The following MAGI1 variants were observed in gnomAD, a reference collection of about 807,000 sequenced individuals.
MAGI1 encodes the protein membrane associated guanylate kinase, WW and PDZ domain containing 1.
In MAGI1, 58 loss-of-function variants were observed where a neutral mutation model predicts 139.9. The observed-to-expected ratio is 0.41, with a 90% CI of 0.34 to 0.52. The LOEUF is 0.52. MAGI1 is among the 20% of genes least tolerant of loss of function. MAGI1 has a pLI of 0.12. For missense variants in MAGI1, 1,874 were observed against 1,901.6 expected (o/e 0.99, Z 0.27); for synonymous variants, 812 against 737.9 (o/e 1.10, Z -1.63).
intron 2 of MAGI1, among the ~76,000 whole-genome samples, chr3:65,530,791 G>GTATA (rs368893697): frequency 0.011 from 648 of 60,822 alleles, 36 homozygotes; most frequent in African/African-American, 0.044. Context: ...ATATATACAC[G>GTATA]TATATATATA....
chr3:65,741,244 G>A (rs1027710077), intron 1 of MAGI1, among the ~76,000 whole-genome samples: 2 of 151,714 alleles, frequency 1.3e-5, no homozygotes, highest in South Asian at 2.1e-4. Context: ...GCGCGATCTC[G>A]GCTCACTGCA....
At chr3:65,883,391 T>TCAAGAATAAA (rs1351995042) in intron 1 of MAGI1, among the ~76,000 whole-genome samples, 3 of 152,044 alleles carry the variant, frequency 2.0e-5, no homozygotes, top group Non-Finnish European at 4.4e-5. Flanking sequence ...AACGCAACCC[T>TCAAGAATAAA]CAAGAATAAA....
At chr3:65,769,783 C>A (rs1465852794) in intron 1 of MAGI1, among the ~76,000 whole-genome samples, 1 of 152,162 alleles carries the variant, frequency 6.6e-6, no homozygotes, top group African/African-American at 2.4e-5. Context: ...GTAACAGTGC[C>A]TGTTAAAAGC....
chr3:65,907,392 A>G (rs533713470), intron 1 of MAGI1, among the ~76,000 whole-genome samples: 1 of 152,288 alleles, frequency 6.6e-6, no homozygotes, highest in Non-Finnish European at 1.5e-5. Flanking sequence ...TGACAAAACC[A>G]AGACTTAAAC....
intron 1 of MAGI1, among the ~76,000 whole-genome samples, chr3:65,636,400 C>G (rs542619169): frequency 6.6e-6 from 1 of 152,288 alleles, no homozygotes; most frequent in South Asian, 2.1e-4. Flanking sequence ...GCACACTCCA[C>G]TATTTTCATT....
chr3:65,702,960 C>A (rs982837130), intron 1 of MAGI1, among the ~76,000 whole-genome samples: 1 of 151,910 alleles, frequency 6.6e-6, no homozygotes, highest in Non-Finnish European at 1.5e-5. Flanking sequence ...GGACTACCCC[C>A]TGCTGAGAAT....
At chr3:65,640,359 T>C (rs2084918832) in intron 1 of MAGI1, among the ~76,000 whole-genome samples, 1 of 152,212 alleles carries the variant, frequency 6.6e-6, no homozygotes, top group Non-Finnish European at 1.5e-5. Context: ...ACATCGGCTC[T>C]AATTCACATA....
chr3:65,411,655 G>A (rs902043971), intron 12 of MAGI1, among the ~76,000 whole-genome samples: 1 of 152,294 alleles, frequency 6.6e-6, no homozygotes, highest in Admixed American at 6.5e-5. Flanking sequence ...TGAGAAGCTT[G>A]TAGGTTAAAA....
chr3:65,856,464 C>T (rs1001081347), intron 1 of MAGI1, among the ~76,000 whole-genome samples: 1 of 152,140 alleles, frequency 6.6e-6, no homozygotes, highest in Non-Finnish European at 1.5e-5. Flanking sequence ...GAGCAAGACT[C>T]GATGAACTCA....
chr3:65,436,685 C>T (rs561609512), intron 10 of MAGI1, among the ~76,000 whole-genome samples: 1 of 152,142 alleles, frequency 6.6e-6, no homozygotes, highest in South Asian at 2.1e-4. Context: ...TATTAAATAT[C>T]TGTGGTCTCT....
intron 1 of MAGI1, among the ~76,000 whole-genome samples, chr3:65,835,865 T>G (rs985308172): frequency 6.6e-6 from 1 of 152,172 alleles, no homozygotes; most frequent in Admixed American, 6.5e-5. Flanking sequence ...AGCCCTTCTG[T>G]TCAATCGCCC....
intron 1 of MAGI1, among the ~76,000 whole-genome samples, chr3:65,959,114 G>A (rs560118945): frequency 2.6e-5 from 4 of 152,140 alleles, no homozygotes; most frequent in Non-Finnish European, 5.9e-5. Context: ...AGTTTCTGAG[G>A]GCACAGTCAC....
chr3:65,470,415 A>T lies in MAGI1; in HGVS notation c.827T>A (p.Ile276Asn). ...AGAAGGGTCCGTGATGGGAGCAGCG[A>T]TGATGCTACTATTCACAGGTGGTAA... ...TALPPVNSSI[I>N]AAPITDPSQK... Residue 276 changes from isoleucine to asparagine, a missense_variant, in exon 5 of 23, where the codon ATC becomes AAC. Around this residue, in one of 5 missense-constraint regions of MAGI1, gnomAD observed 648 missense variants for 598.1 expected, o/e 1.08. Coordinates refer to ENST00000402939, the MANE Select transcript of MAGI1 (RefSeq NM_001033057.2). 2 of 1,613,760 alleles carry T rather than the reference A, an allele frequency of 1.2e-6. No homozygotes were observed. The highest frequency in any genetic ancestry group is 1.1e-5 in the South Asian group (1 of 91,068).
chr3:65,909,205 A>G (rs1306781057), intron 1 of MAGI1, among the ~76,000 whole-genome samples: 1 of 152,140 alleles, frequency 6.6e-6, no homozygotes, highest in African/African-American at 2.4e-5. Context: ...GCTAGTATCA[A>G]CATTATTTCC....
intron 1 of MAGI1, among the ~76,000 whole-genome samples, chr3:65,670,565 G>A (rs1391103677): frequency 1.3e-5 from 2 of 152,080 alleles, no homozygotes; most frequent in African/African-American, 4.8e-5. Flanking sequence ...ATGGACTACA[G>A]AAGAATTATA....
intron 1 of MAGI1, among the ~76,000 whole-genome samples, chr3:65,931,145 G>A (rs540027401): frequency 2.0e-5 from 3 of 151,834 alleles, no homozygotes; most frequent in Non-Finnish European, 4.4e-5. Context: ...CCATTCTCCT[G>A]TCTCAGCCTC....
chr3:65,981,994 G>C (rs2065607504), intron 1 of MAGI1, among the ~76,000 whole-genome samples: 1 of 152,142 alleles, frequency 6.6e-6, no homozygotes, highest in Non-Finnish European at 1.5e-5. Context: ...TTTGTATCAG[G>C]TCTCGTAAGT....
intron 1 of MAGI1, among the ~76,000 whole-genome samples, chr3:65,899,825 C>A (rs2061145059): frequency 6.6e-6 from 1 of 152,096 alleles, no homozygotes; most frequent in South Asian, 2.1e-4. Flanking sequence ...GATTAAGGAA[C>A]CCAAATTAAA....
intron 2 of MAGI1, among the ~76,000 whole-genome samples, chr3:65,559,794 C>CG (rs2080253812): frequency 6.6e-6 from 1 of 152,072 alleles, no homozygotes; most frequent in African/African-American, 2.4e-5. Context: ...ACCAGCACTA[C>CG]GGGAGGCCAG....
Sources: allele counts gnomAD v4.1 joint callset (sites outside exome capture counted in the v4.1 genomes callset), GRCh38; gene constraint gnomAD v4.1.1; regional missense constraint gnomAD v4.1.1; transcripts MANE v1.5; gene names NCBI Gene and HGNC (gene_info 2026-07-23, HGNC 2026-07-21).